CEP20: variants seen among roughly 807,000 people sequenced by gnomAD.
The protein encoded by CEP20 is FGFR1OP N-terminal like.
In CEP20, 18 loss-of-function variants were observed where a neutral mutation model predicts 20.0. The observed-to-expected ratio is 0.90, with a 90% CI of 0.62 to 1.34. The LOEUF (loss-of-function observed/expected upper bound fraction) is 1.34. Ranked by LOEUF, CEP20 falls within the 40% of genes most tolerant of loss-of-function variation. CEP20 has a pLI of 0.00. For synonymous variants in CEP20, 77 were observed against 73.7 expected (o/e 1.04, Z -0.23); for missense variants, 215 against 201.6 (o/e 1.07, Z -0.40).
In CEP20 at chr16:15,867,335, C is replaced by G; in HGVS notation, c.*105G>C. On this transcript the variant is annotated 3_prime_UTR_variant, in exon 5 of 5. Transcript: ENST00000255759. ...CATGAGGGGTGTTTTGTAGAAACTC[C>G]AATTTCTACAAACATTAGTGGTGCA... The G allele has an allele frequency of 1.3e-6, 1 of 780,634 alleles. No individual in the cohort carries two copies. The highest frequency in any genetic ancestry group is 1.9e-6 in the Non-Finnish European group (1 of 537,844). 48.4% of individuals were successfully genotyped at this position (780,634 alleles called of 1,614,324 possible).
intron 4 of CEP20, among the ~76,000 whole-genome samples, chr16:15,869,343 C>T (rs370121504): frequency 7.0e-6 from 1 of 143,652 alleles, no homozygotes; most frequent in South Asian, 2.2e-4. Context: ...CAGAGTCTCG[C>T]TCTGTCGCCC....
At position 15,866,920 on chromosome 16, in the gene CEP20, C is replaced by G. The variant is rs1311103908; in HGVS notation, c.*520G>C. 1 of 152,768 alleles carries G rather than the reference C, an allele frequency of 6.5e-6. No individual in the cohort carries two copies. Among genetic ancestry groups the G allele is most frequent in the Non-Finnish European group, 1.5e-5 (1 of 68,444 alleles). The allele number at this position is 152,768 out of a possible 1,614,324, so 9.5% of individuals were successfully genotyped here. On this transcript the variant is annotated 3_prime_UTR_variant, in exon 5 of 5. Transcript: ENST00000255759. ...ACTTTAAGGGCCTTTATAATACTTC[C>G]TAAATGGCTGGGCTCAGTGGCTCAC...
At chr16:15,878,421 A>G (rs556961531) in intron 3 of CEP20, among the ~76,000 whole-genome samples, 13 of 152,334 alleles carry the variant, frequency 8.5e-5, no homozygotes, top group African/African-American at 2.4e-4. Context: ...AATTTTACAC[A>G]AGGATTTGTG....
chr16:15,874,011 G>A (rs769764461), intron 3 of CEP20, among the ~76,000 whole-genome samples: 15 of 152,104 alleles, frequency 9.9e-5, no homozygotes, highest in Non-Finnish European at 2.2e-4. Flanking sequence ...ATAAGTCCTT[G>A]CCCTGAAAAA....
chr16:15,884,185 T>A lies in CEP20; in HGVS notation c.49A>T (p.Lys17Ter), dbSNP rs772377569. 1 of 1,611,144 alleles carries A rather than the reference T, an allele frequency of 6.2e-7. No homozygotes were observed. Among genetic ancestry groups the A allele is most frequent in the South Asian group, 1.1e-5 (1 of 90,932 alleles). Residue 17 changes from lysine (K) to a stop codon, truncating the protein, a stop_gained, in exon 2 of 5, where the codon AAA (lysine) becomes TAA (stop). Coordinates refer to ENST00000255759, the MANE Select transcript of CEP20 (RefSeq NM_144600.4). LOFTEE classifies it high-confidence loss of function. ...TTTAAATGCCCTAATACCCCCTTTT[T>A]TTCCAAGGTGTCCTTTAAAACTGTT... is the stretch of plus-strand genomic sequence containing the variant. ...LKAVLKDTLE[K>*]KGVLGHLKAR... is the part of the protein sequence containing the mutation.
chr16:15,881,965 G>T (rs187069730), intron 2 of CEP20, among the ~76,000 whole-genome samples: 3 of 152,250 alleles, frequency 2.0e-5, no homozygotes, highest in African/African-American at 7.2e-5. Context: ...CAAATCTCAT[G>T]TTGCAACGCA....
At chr16:15,879,124 T>C (rs2045036294) in intron 3 of CEP20, among the ~76,000 whole-genome samples, 2 of 151,416 alleles carry the variant, frequency 1.3e-5, no homozygotes, top group African/African-American at 4.9e-5. Flanking sequence ...TTCAAGAGCA[T>C]AGTTGGTGAG....
intron 4 of CEP20, among the ~76,000 whole-genome samples, chr16:15,872,080 C>G (rs1012808552): frequency 7.2e-5 from 11 of 152,056 alleles, no homozygotes; most frequent in African/African-American, 2.4e-4. Context: ...TTTGGGAGGC[C>G]AAGGTGGGCG....
intron 4 of CEP20, among the ~76,000 whole-genome samples, chr16:15,872,945 T>TA (rs1221610692): frequency 1.3e-5 from 2 of 152,026 alleles, no homozygotes; most frequent in East Asian, 1.9e-4. Context: ...TTAGCAATCT[T>TA]ACCTTTTATT....
chr16:15,884,918 C>A (rs1218966803), intron 1 of CEP20: 1 of 152,060 alleles, frequency 6.6e-6, no homozygotes, highest in Admixed American at 6.6e-5. Flanking sequence ...TGCCACTGCA[C>A]ACAGGTTCTG....
chr16:15,887,515 T>C (rs1006682168), intron 1 of CEP20, among the ~76,000 whole-genome samples: 9 of 152,232 alleles, frequency 5.9e-5, no homozygotes, highest in Admixed American at 3.3e-4. Flanking sequence ...ATGCTGTGTC[T>C]CTTTCCAGTG....
Position 15,884,010 on chromosome 16 carries a change from G to C in CEP20, c.224C>G (p.Ala75Gly). ...TGTGATAAATAATAACCACTTACCT[G>C]CTATGAGGACAGATGCTGTATACTT... ...KYKYTASVLI[A>G]ESGQPVVPLD... The change falls in exon 2 of 5, where the codon GCA (alanine) becomes GGA (glycine). Residue 75 changes from alanine (A) to glycine (G), a missense_variant and splice_region_variant. Physicochemically the swap from Ala to Gly is moderately conservative, Grantham distance 60 (BLOSUM62 0). Transcript: ENST00000255759. The C allele has an allele frequency of 1.9e-6, 3 of 1,608,084 alleles. No homozygotes were observed. Among genetic ancestry groups the C allele is most frequent in the Non-Finnish European group, 2.6e-6 (3 of 1,175,346 alleles).
intron 3 of CEP20, among the ~76,000 whole-genome samples, chr16:15,874,272 A>G (rs1032858944): frequency 6.6e-6 from 1 of 152,208 alleles, no homozygotes; most frequent in Non-Finnish European, 1.5e-5. Context: ...TGTAGCTAAC[A>G]TTTATTTAGA....
At chr16:15,870,635 G>A (rs1005413459) in intron 4 of CEP20, among the ~76,000 whole-genome samples, 3 of 151,838 alleles carry the variant, frequency 2.0e-5, no homozygotes, top group Non-Finnish European at 4.4e-5. Flanking sequence ...TGGGCAACAG[G>A]ACAAGACCCT....
intron 2 of CEP20, among the ~76,000 whole-genome samples, chr16:15,880,712 T>G (rs527318146): frequency 3.9e-4 from 59 of 151,646 alleles, no homozygotes; most frequent in Admixed American, 1.2e-3. Flanking sequence ...AGGTGAGGAG[T>G]GGGCAAGCAA....
At chr16:15,881,826 A>C (rs1375573290) in intron 2 of CEP20, among the ~76,000 whole-genome samples, 2 of 152,192 alleles carry the variant, frequency 1.3e-5, no homozygotes, top group East Asian at 3.8e-4. Context: ...CTCAAGAAAT[A>C]AAATTCAACA....
chr16:15,876,164 T>C (rs1474260190), intron 3 of CEP20, among the ~76,000 whole-genome samples: 1 of 147,858 alleles, frequency 6.8e-6, no homozygotes, highest in Non-Finnish European at 1.5e-5. Flanking sequence ...AGATGTACCA[T>C]ATTACTTTTT....
chr16:15,884,649 G>T (rs1010395183), intron 1 of CEP20, among the ~76,000 whole-genome samples: 1 of 152,004 alleles, frequency 6.6e-6, no homozygotes, highest in Non-Finnish European at 1.5e-5. Flanking sequence ...CTACAGGCAC[G>T]TGCCACCACG....
At chr16:15,872,510 C>T (rs2044846525) in intron 4 of CEP20, among the ~76,000 whole-genome samples, 1 of 151,962 alleles carries the variant, frequency 6.6e-6, no homozygotes, top group Non-Finnish European at 1.5e-5. Flanking sequence ...AGTTCAAGAC[C>T]AGCCTAGTGA....
Sources: gnomAD v4.1 joint callset for allele counts (sites outside exome capture counted in the v4.1 genomes callset) on GRCh38, gnomAD v4.1.1 for gene constraint, MANE v1.5 for transcripts, NCBI Gene and HGNC (gene_info 2026-07-23, HGNC 2026-07-21) for gene names.